LINGO2: variants seen among roughly 807,000 people sequenced by gnomAD.
The protein encoded by LINGO2 is leucine rich repeat and Ig domain containing 2.
In LINGO2, 14 loss-of-function variants were observed where a neutral mutation model predicts 30.6. The ratio of observed to expected loss-of-function variants is 0.46; its 90% confidence interval spans 0.30 to 0.72. LINGO2 has a LOEUF of 0.72. Among genes scored for constraint, LINGO2 ranks in the 30% least tolerant of loss-of-function variants. LINGO2 has a pLI of 0.07. For synonymous variants in LINGO2, 317 were observed against 288.5 expected (o/e 1.10, Z -1.00); for missense variants, 729 against 751.7 (o/e 0.97, Z 0.35).
the LINGO2 span, among the ~76,000 whole-genome samples, chr9:28,678,538 A>G: frequency 6.6e-6 from 1 of 152,130 alleles, no homozygotes; most frequent in Non-Finnish European, 1.5e-5. Flanking sequence ...TCTTGAGTGC[A>G]TCGCTTGCTA....
intron 4 of LINGO2, among the ~76,000 whole-genome samples, chr9:28,201,484 G>C (rs1160991489): frequency 6.7e-6 from 1 of 149,376 alleles, no homozygotes; most frequent in Non-Finnish European, 1.5e-5. Context: ...ATCATTGTTG[G>C]GCATTTGGGT....
At chr9:28,654,617 C>T (rs1828254588) in intron 1 of LINGO2, among the ~76,000 whole-genome samples, 1 of 152,048 alleles carries the variant, frequency 6.6e-6, no homozygotes, top group Admixed American at 6.6e-5. Flanking sequence ...CAACTCCAGT[C>T]TCCCATGTCT....
chr9:28,425,265 T>C (rs913550529), intron 2 of LINGO2, among the ~76,000 whole-genome samples: 1 of 147,940 alleles, frequency 6.8e-6, no homozygotes, highest in Non-Finnish European at 1.5e-5. Flanking sequence ...GTATTATATA[T>C]TATATATTAT....
intron 4 of LINGO2, among the ~76,000 whole-genome samples, chr9:28,166,371 C>T (rs1828426653): frequency 6.6e-6 from 1 of 152,160 alleles, no homozygotes; most frequent in African/African-American, 2.4e-5. Context: ...GCCTCAGATT[C>T]CTCAGTGGGA....
chr9:28,422,241 G>A (rs1823224555), intron 2 of LINGO2, among the ~76,000 whole-genome samples: 1 of 151,970 alleles, frequency 6.6e-6, no homozygotes, highest in South Asian at 2.1e-4. Flanking sequence ...TACATAATGA[G>A]TGAAAATATT....
Position 28,439,263 on chromosome 9 carries a change from A to G in LINGO2, c.-279+36677T>C, listed in dbSNP as rs114725204. ...TATATATGTGTGTGTGTATATGTAT[A>G]TGTATATATATGTGTGTGTGTGTGT... On this transcript the variant is annotated intron_variant, in intron 2 of 5. Transcript: ENST00000379992. Among the ~76,000 whole-genome samples, 1,237 of 150,666 alleles carry G rather than the reference A, an allele frequency of 8.2e-3. 20 individuals are homozygous for G. The highest frequency in any genetic ancestry group is 0.027 in the African/African-American group (1,107 of 40,750).
chr9:28,902,996 G>C, the LINGO2 span, among the ~76,000 whole-genome samples: 2 of 151,160 alleles, frequency 1.3e-5, no homozygotes, highest in Non-Finnish European at 3.0e-5. Context: ...TAAACCTAAA[G>C]TTAGTAGGAG....
chr9:28,670,802 G>A (rs972526979), upstream of LINGO2, among the ~76,000 whole-genome samples: 8 of 152,024 alleles, frequency 5.3e-5, no homozygotes, highest in African/African-American at 1.9e-4. Flanking sequence ...AATATGGTAG[G>A]TTTAAACTTA....
chr9:28,889,734 T>A, the LINGO2 span, among the ~76,000 whole-genome samples: 2 of 152,092 alleles, frequency 1.3e-5, 1 homozygote, highest in South Asian at 4.1e-4. Flanking sequence ...TTGAAACTTA[T>A]TTTTATCAGC....
the LINGO2 span, among the ~76,000 whole-genome samples, chr9:29,175,562 T>C: frequency 2.7e-5 from 4 of 148,960 alleles, no homozygotes; most frequent in African/African-American, 9.9e-5. Context: ...AGTCTCGTTC[T>C]GTCACCCAGG....
At chr9:28,300,635 ACCTTTTCTT>A (rs1199040768) in intron 3 of LINGO2, among the ~76,000 whole-genome samples, 6 of 151,462 alleles carry the variant, frequency 4.0e-5, no homozygotes, top group Non-Finnish European at 8.8e-5. Context: ...TCTTCTTTCT[ACCTTTTCTT>A]CCTTCCTCCA....
At chr9:28,367,239 A>C (rs2134544840) in intron 3 of LINGO2, among the ~76,000 whole-genome samples, 1 of 152,272 alleles carries the variant, frequency 6.6e-6, no homozygotes, top group East Asian at 1.9e-4. Flanking sequence ...GATTTCTATA[A>C]ATCTGTCATT....
At chr9:28,102,914 G>T (rs991278463) in intron 4 of LINGO2, among the ~76,000 whole-genome samples, 10 of 152,148 alleles carry the variant, frequency 6.6e-5, no homozygotes, top group African/African-American at 1.9e-4. Context: ...AAGAGCTGCA[G>T]AACTAGTATA....
the LINGO2 span, among the ~76,000 whole-genome samples, chr9:28,898,018 A>G: frequency 6.6e-6 from 1 of 152,268 alleles, no homozygotes. Flanking sequence ...TGTCAATGAT[A>G]GTAAAGAAAT....
chr9:28,689,455 A>G, the LINGO2 span, among the ~76,000 whole-genome samples: 1 of 152,184 alleles, frequency 6.6e-6, no homozygotes, highest in East Asian at 1.9e-4. Context: ...CATGAAAAAA[A>G]AAACTCAACA....
intron 4 of LINGO2, among the ~76,000 whole-genome samples, chr9:28,058,111 T>C (rs1248776217): frequency 1.3e-5 from 2 of 152,098 alleles, no homozygotes; most frequent in African/African-American, 4.8e-5. Context: ...AAGTCATCCC[T>C]TTTAGATACT....
At chr9:28,981,104 G>C in the LINGO2 span, among the ~76,000 whole-genome samples, 1 of 152,046 alleles carries the variant, frequency 6.6e-6, no homozygotes, top group South Asian at 2.1e-4. Context: ...CGAACTAAAG[G>C]AGATATTATT....
At chr9:28,538,869 T>C (rs757981357) in intron 1 of LINGO2, among the ~76,000 whole-genome samples, 38 of 152,140 alleles carry the variant, frequency 2.5e-4, no homozygotes, top group Non-Finnish European at 5.4e-4. Flanking sequence ...GGGAGTCATA[T>C]TCATACCACA....
At chr9:28,203,936 G>A (rs1476907938) in intron 4 of LINGO2, among the ~76,000 whole-genome samples, 1 of 152,034 alleles carries the variant, frequency 6.6e-6, no homozygotes, top group Non-Finnish European at 1.5e-5. Context: ...AATTTTTTCC[G>A]GTTGTTCCTC....
Sources: allele counts gnomAD v4.1 joint callset (sites outside exome capture counted in the v4.1 genomes callset), GRCh38; gene constraint gnomAD v4.1.1; transcripts MANE v1.5; gene names NCBI Gene and HGNC (gene_info 2026-07-23, HGNC 2026-07-21).